Variants in CACNA2D2 observed in about 807,000 individuals in gnomAD.
CACNA2D2 encodes calcium voltage-gated channel auxiliary subunit alpha2delta 2, also known as voltage-dependent calcium channel subunit alpha-2/delta-2.
A neutral mutation model predicts 166.4 loss-of-function variants in CACNA2D2; 48 were observed. The observed-to-expected ratio is 0.29, with a 90% confidence interval of 0.23 to 0.37. The LOEUF (loss-of-function observed/expected upper bound fraction) is 0.37. Ranked by LOEUF, CACNA2D2 falls within the 10% of genes least tolerant of loss-of-function variation. The pLI is 1.00. For missense variants in CACNA2D2, 1,122 were observed against 1,433.0 expected (o/e 0.78, Z 3.50); for synonymous variants, 561 against 573.7 (o/e 0.98, Z 0.32).
chr3:50,494,767 T>C (rs1698658721), intron 1 of CACNA2D2, among the ~76,000 whole-genome samples: 1 of 152,154 alleles, frequency 6.6e-6, no homozygotes, highest in Non-Finnish European at 1.5e-5. Context: ...CTCAACTTCC[T>C]GGGCTCAAGC....
chr3:50,370,501 C>A (rs976373006), intron 22 of CACNA2D2, 121 bp from the exon 23 acceptor site: 5 of 642,186 alleles, frequency 7.8e-6, no homozygotes, highest in South Asian at 1.7e-5. Context: ...GAGACACCAG[C>A]AAAGAGGAAA....
At chr3:50,470,039 T>C (rs1709997072) in intron 2 of CACNA2D2, among the ~76,000 whole-genome samples, 2 of 152,138 alleles carry the variant, frequency 1.3e-5, no homozygotes, top group African/African-American at 4.8e-5. Flanking sequence ...TCTGTGCCCA[T>C]GGCCTCCACA....
intron 22 of CACNA2D2, chr3:50,372,954 G>A (rs1407396257): frequency 3.8e-6 from 3 of 790,570 alleles, no homozygotes; most frequent in Non-Finnish European, 6.2e-6. Context: ...GCTGGGAGGG[G>A]GCCCTGGAGA....
intron 1 of CACNA2D2, among the ~76,000 whole-genome samples, chr3:50,481,127 AC>A (rs959567750): frequency 1.3e-5 from 2 of 151,996 alleles, no homozygotes; most frequent in African/African-American, 4.8e-5. Flanking sequence ...AAATCAAAAA[AC>A]CAGAGACAGG....
intron 3 of CACNA2D2, among the ~76,000 whole-genome samples, chr3:50,397,524 C>G (rs1706222758): frequency 6.6e-6 from 1 of 152,134 alleles, no homozygotes; most frequent in African/African-American, 2.4e-5. Context: ...GCCCCCGAGT[C>G]CTGGCCTGGG....
rs533788135 is a variant in CACNA2D2, at chr3:50,450,497, C to T, written c.289-16068G>A. On this transcript the variant is annotated intron_variant, in intron 2 of 37. Coordinates refer to ENST00000424201, the MANE Select transcript of CACNA2D2 (RefSeq NM_006030.4). ...TCGAATCTTAAGAGGCTCTGGAGCC[C>T]GCCCTGCACCCCCATCACCCTGCTC... Among the ~76,000 whole-genome samples, 12 of 152,246 alleles carry T rather than the reference C, an allele frequency of 7.9e-5. No homozygotes were observed. The East Asian group carries it at 1.2e-3, about 15-fold the overall frequency.
intron 5 of CACNA2D2, 53 bp from the exon 6 acceptor site, chr3:50,384,390 G>A (rs1311933757): frequency 6.3e-7 from 1 of 1,599,972 alleles, no homozygotes; most frequent in Non-Finnish European, 8.5e-7. Flanking sequence ...GGTGAATTGG[G>A]TTGTAGAGGC....
chr3:50,425,049 G>A (rs925451875), intron 3 of CACNA2D2, among the ~76,000 whole-genome samples: 1 of 152,128 alleles, frequency 6.6e-6, no homozygotes, highest in Admixed American at 6.5e-5. Flanking sequence ...ACAGAAAGTG[G>A]GGCCAGAGAA....
At chr3:50,498,586 TG>T (rs1692105747) in intron 1 of CACNA2D2, among the ~76,000 whole-genome samples, 1 of 152,168 alleles carries the variant, frequency 6.6e-6, no homozygotes, top group Admixed American at 6.5e-5. Flanking sequence ...TGCTCCATGA[TG>T]GCCTGTGTAT....
Position 50,380,235 on chromosome 3 carries a change from G to A in CACNA2D2, c.843-217C>T, listed in dbSNP as rs1265431254. On this transcript the variant is annotated intron_variant, in intron 8 of 37. Transcript: ENST00000424201. This position sits in a 1 kb window ranked among gnomAD's most constrained non-coding sequence, Gnocchi z 4.9. ...TTCCTCAGCAAGGAAAAAGTACCAG[G>A]GGGTATATGAGCAGGTGATCCCCAG... Among the ~76,000 whole-genome samples the A allele has an allele frequency of 2.0e-5, 3 of 152,224 alleles. No individual in the cohort carries two copies. Among genetic ancestry groups the A allele is most frequent in the East Asian group, 1.9e-4 (1 of 5,198 alleles).
chr3:50,494,769 G>T (rs980455246), intron 1 of CACNA2D2, among the ~76,000 whole-genome samples: 9 of 152,062 alleles, frequency 5.9e-5, no homozygotes, highest in African/African-American at 2.2e-4. Flanking sequence ...CAACTTCCTG[G>T]GCTCAAGCCA....
At chr3:50,415,082 C>T (rs910651671) in intron 3 of CACNA2D2, among the ~76,000 whole-genome samples, 2 of 152,262 alleles carry the variant, frequency 1.3e-5, no homozygotes, top group African/African-American at 4.8e-5. Context: ...TCCATCTCCA[C>T]AGCCACCCAG....
chr3:50,432,663 G>A (rs929110050), intron 3 of CACNA2D2, among the ~76,000 whole-genome samples: 12 of 152,210 alleles, frequency 7.9e-5, no homozygotes, highest in Non-Finnish European at 8.8e-5. Context: ...CCTGCTCCCC[G>A]CTGTCTCCCA....
rs1705067672 is a variant in CACNA2D2, at chr3:50,377,791, C to A, written c.1492G>T (p.Val498Leu). The change falls in exon 16 of 38, where the codon GTG becomes TTG. Residue 498 changes from valine to leucine, a missense_variant. By Grantham distance (32) the Val-to-Leu change is conservative. Around this residue, in one of 2 missense-constraint regions of CACNA2D2, gnomAD observed 840 missense variants for 1,166.8 expected, o/e 0.72. Coordinates refer to ENST00000424201, the MANE Select transcript of CACNA2D2 (RefSeq NM_006030.4). ...AAAACAGGGAGGGTCCCTGTTACCA[C>A]CAACCCCAGTCCCTGAAGGGAGAGG... ...VYEDALGLGL[V>L]VTGTLPVFNL... 3.1e-6 allele frequency: 5 copies of A among 1,613,278 alleles called. No homozygotes were observed. Among genetic ancestry groups the A allele is most frequent in the Non-Finnish European group, 4.2e-6 (5 of 1,179,796 alleles).
At chr3:50,444,677 C>T (rs892804352) in intron 2 of CACNA2D2, among the ~76,000 whole-genome samples, 2 of 152,232 alleles carry the variant, frequency 1.3e-5, no homozygotes, top group Non-Finnish European at 2.9e-5. Flanking sequence ...ACAGCACCAA[C>T]GACAGCCCCA....
intron 2 of CACNA2D2, among the ~76,000 whole-genome samples, chr3:50,473,994 G>T (rs1046909914): frequency 6.6e-6 from 1 of 152,236 alleles, no homozygotes; most frequent in Admixed American, 6.5e-5. Context: ...CTGCCTGCCT[G>T]CCTGCCACGC....
At chr3:50,463,068 A>G (rs184541796) in intron 2 of CACNA2D2, among the ~76,000 whole-genome samples, 3 of 152,220 alleles carry the variant, frequency 2.0e-5, no homozygotes, top group Admixed American at 1.3e-4. Context: ...TCTTATTGCA[A>G]TGAAGACAGT....
Position 50,367,762 on chromosome 3 carries a change from C to T in CACNA2D2, c.2234+50G>A. On this transcript the variant is annotated intron_variant, in intron 25 of 37. Coordinates refer to ENST00000424201, the MANE Select transcript of CACNA2D2 (RefSeq NM_006030.4). The surrounding 1 kb of genome is among the most constrained non-coding windows in gnomAD (Gnocchi z 6.5). ...TGCCTTCTGCTGGGCAGGTCCAGGGCCTCTGGGCCCATCCTAGCCTTCTGC... is the reference window on the plus strand; with the variant it reads ...TGCCTTCTGCTGGGCAGGTCCAGGGTCTCTGGGCCCATCCTAGCCTTCTGC... 3 of 1,612,312 alleles carry T rather than the reference C, an allele frequency of 1.9e-6. No homozygotes were observed. The highest frequency in any genetic ancestry group is 2.5e-6 in the Non-Finnish European group (3 of 1,178,814).
chr3:50,417,735 G>T (rs1462045941), intron 3 of CACNA2D2, among the ~76,000 whole-genome samples: 1 of 152,194 alleles, frequency 6.6e-6, no homozygotes, highest in African/African-American at 2.4e-5. Context: ...TTGCCCCCCT[G>T]CTGCTTGTCC....
Sources: allele counts gnomAD v4.1 joint callset (sites outside exome capture counted in the v4.1 genomes callset), GRCh38; gene constraint gnomAD v4.1.1; regional missense constraint gnomAD v4.1.1; non-coding constraint Gnocchi (gnomAD v3.1); transcripts MANE v1.5; gene names NCBI Gene and HGNC (gene_info 2026-07-23, HGNC 2026-07-21).